Variants in NCOA7 observed in about 807,000 individuals in gnomAD.
The protein encoded by NCOA7 is 140 kDa estrogen receptor-associated protein.
Under a neutral mutation model 104.3 loss-of-function variants are expected in NCOA7, and 45 were observed. The observed-to-expected ratio is 0.43, with a 90% confidence interval of 0.34 to 0.55. The LOEUF is 0.55. NCOA7 is among the 20% of genes least tolerant of loss of function. The pLI is 0.02. For synonymous variants in NCOA7, 398 were observed against 402.3 expected, an observed-to-expected ratio of 0.99 and a Z score of 0.13; for missense variants, 1,041 against 1,119.7, an observed-to-expected ratio of 0.93 and a Z score of 1.00.
At chr6:125,787,140 A>C (rs76337979), upstream of NCOA7, among the ~76,000 whole-genome samples, 7 of 150,610 alleles carry the variant, frequency 4.6e-5, no homozygotes, top group African/African-American at 4.9e-5. Context: ...AAAAAAAAAA[A>C]CAGAAAAGAA....
chr6:125,896,485 A>T (rs956608051), intron 10 of NCOA7, among the ~76,000 whole-genome samples: 3 of 152,172 alleles, frequency 2.0e-5, no homozygotes, highest in Non-Finnish European at 4.4e-5. Context: ...GTTCTGTGTG[A>T]TTCCTTTAAT....
intron 1 of NCOA7, among the ~76,000 whole-genome samples, chr6:125,801,805 C>T (rs991752064): frequency 7.2e-5 from 11 of 152,282 alleles, no homozygotes; most frequent in African/African-American, 2.6e-4. Flanking sequence ...TGGATTAGGG[C>T]ACCACACCAC....
chr6:125,878,544 C>G (rs1340732747), intron 5 of NCOA7, among the ~76,000 whole-genome samples, 174 bp downstream of exon 5: 1 of 152,074 alleles, frequency 6.6e-6, no homozygotes, highest in Non-Finnish European at 1.5e-5. Context: ...GGGTCTTGCT[C>G]TGTTGCCCAG....
At position 125,927,740 on chromosome 6, in the gene NCOA7, A is replaced by T; in HGVS notation, c.2601A>T (p.Thr867=). The change falls in exon 14 of 16, where the codon ACA becomes ACT. Residue 867 remains threonine (T), a synonymous_variant. Transcript: ENST00000392477. ...GCACAGGCGAAACTTTTCTCTACAC[A>T]TTCAGCCCTCATTTTAAGGTACCTA... is the stretch of plus-strand genomic sequence containing the variant. The part of the protein sequence containing the change: ...YYGTGETFLY[T]FSPHFKVFKW... The T allele has an allele frequency of 6.2e-7, 1 of 1,610,820 alleles. No individual in the cohort carries two copies. The highest frequency in any genetic ancestry group is 2.2e-5 in the East Asian group (1 of 44,874).
intron 2 of NCOA7, among the ~76,000 whole-genome samples, chr6:125,843,503 T>G (rs1282442212): frequency 6.6e-6 from 1 of 152,212 alleles, no homozygotes; most frequent in African/African-American, 2.4e-5. Flanking sequence ...GCTACGTGCA[T>G]AATATCAATG....
chr6:125,888,081 A>G (rs185694115), intron 8 of NCOA7, among the ~76,000 whole-genome samples: 15 of 152,248 alleles, frequency 9.9e-5, no homozygotes, highest in African/African-American at 3.6e-4. Flanking sequence ...TGTTTAATCA[A>G]TATTTTCATG....
chr6:125,858,811 C>T (rs544743007), intron 3 of NCOA7, among the ~76,000 whole-genome samples: 3 of 152,174 alleles, frequency 2.0e-5, no homozygotes, highest in Non-Finnish European at 4.4e-5. Flanking sequence ...GACAAACTCT[C>T]ATCTTGGCAG....
rs1341969140 is a variant in NCOA7 at position 125,865,715 on chromosome 6, G to A, written c.272-9174G>A. Among the ~76,000 whole-genome samples the A allele has an allele frequency of 2.2e-5, 3 of 137,338 alleles. 1 individual carries two copies. Among genetic ancestry groups the A allele is most frequent in the Non-Finnish European group, 4.6e-5 (3 of 64,746 alleles). 90.1% of individuals were successfully genotyped at this position (137,338 alleles called of 152,430 possible). ...CTCTCTCTCTGTTGTCCAGGCTGGA[G>A]TGTAGTAGTGCAATCATAGCTCACT... On this transcript the variant is annotated intron_variant, in intron 3 of 15. Transcript: ENST00000392477.
intron 4 of NCOA7, among the ~76,000 whole-genome samples, chr6:125,877,619 T>C (rs1299959000): frequency 6.6e-6 from 1 of 152,194 alleles, no homozygotes; most frequent in Non-Finnish European, 1.5e-5. Flanking sequence ...AGTGTACACC[T>C]GGGACATATG....
intron 2 of NCOA7, among the ~76,000 whole-genome samples, chr6:125,822,535 A>G (rs669664): frequency 0.77 from 117,656 of 152,146 alleles, 45,878 homozygotes; most frequent in East Asian, 0.91. Flanking sequence ...CCTGAGCCCC[A>G]AATCCCTGTC....
chr6:125,857,534 C>T (rs1562923672), intron 3 of NCOA7, among the ~76,000 whole-genome samples: 2 of 151,762 alleles, frequency 1.3e-5, no homozygotes, highest in Non-Finnish European at 2.9e-5. Context: ...GAAGTCCGAC[C>T]AGCAATGCTC....
intron 3 of NCOA7, among the ~76,000 whole-genome samples, chr6:125,864,910 T>C (rs1448474098): frequency 7.2e-6 from 1 of 138,278 alleles, no homozygotes; most frequent in Admixed American, 6.9e-5. Context: ...TGCACAATTA[T>C]TGTCCTTGAT....
At chr6:125,796,656 AT>A (rs60165713) in intron 1 of NCOA7, 2,723 of 139,856 alleles carry the variant, frequency 0.019, 29 homozygotes, top group Middle Eastern at 0.037. Context: ...TTTTTCCTCA[AT>A]TTTTTTTTTT....
chr6:125,916,480 G>A (rs1787103229), intron 11 of NCOA7, among the ~76,000 whole-genome samples: 1 of 152,156 alleles, frequency 6.6e-6, no homozygotes, highest in African/African-American at 2.4e-5. Context: ...ATACAATGAT[G>A]GATAACATAG....
At chr6:125,897,362 G>A (rs1172658796) in intron 10 of NCOA7, among the ~76,000 whole-genome samples, 2 of 152,164 alleles carry the variant, frequency 1.3e-5, no homozygotes, top group African/African-American at 4.8e-5. Context: ...CAAGCAATGG[G>A]TTAGAAAATA....
intron 1 of NCOA7, among the ~76,000 whole-genome samples, chr6:125,796,509 C>G (rs1157896559): frequency 6.6e-6 from 1 of 151,888 alleles, no homozygotes; most frequent in Non-Finnish European, 1.5e-5. Flanking sequence ...TATATTTGAA[C>G]TCATCTCTAT....
intron 1 of NCOA7, among the ~76,000 whole-genome samples, chr6:125,801,725 T>A (rs544086200): frequency 8.5e-5 from 13 of 152,274 alleles, no homozygotes; most frequent in Middle Eastern, 3.4e-3. Context: ...GTGGCCTGTG[T>A]CTACATGGCA....
chr6:125,877,536 A>G (rs1562961862), intron 4 of NCOA7, among the ~76,000 whole-genome samples: 1 of 152,178 alleles, frequency 6.6e-6, no homozygotes, highest in Non-Finnish European at 1.5e-5. Flanking sequence ...TTTTCTGGGT[A>G]GAGCTGTTTT....
chr6:125,857,432 T>C (rs1248407885), intron 3 of NCOA7, among the ~76,000 whole-genome samples: 1 of 132,262 alleles, frequency 7.6e-6, no homozygotes, highest in Non-Finnish European at 1.5e-5. Context: ...CACACACATA[T>C]ATATATATAT....
Sources: gnomAD v4.1 joint callset for allele counts (sites outside exome capture counted in the v4.1 genomes callset) on GRCh38, gnomAD v4.1.1 for gene constraint, MANE v1.5 for transcripts, NCBI Gene and HGNC (gene_info 2026-07-23, HGNC 2026-07-21) for gene names.